The following PEX14 variants were observed in gnomAD, a reference collection of about 807,000 sequenced individuals.
The protein encoded by PEX14 is peroxisomal biogenesis factor 14.
Under a neutral mutation model 49.5 loss-of-function variants are expected in PEX14, and 15 were observed. The ratio of observed to expected loss-of-function variants is 0.30; its 90% CI spans 0.20 to 0.47. The LOEUF is 0.47. Ranked by LOEUF, PEX14 falls within the 20% of genes least tolerant of loss-of-function variation. The pLI, the probability that PEX14 is intolerant of heterozygous loss-of-function variation, is 1.00. For synonymous variants in PEX14, 210 were observed against 212.7 expected, an observed-to-expected ratio of 0.99 and a Z score of 0.11; for missense variants, 398 against 494.8, an observed-to-expected ratio of 0.80 and a Z score of 1.86.
chr1:10,496,960 TTA>T (rs550820822), intron 2 of PEX14, among the ~76,000 whole-genome samples: 4 of 150,770 alleles, frequency 2.7e-5, no homozygotes, highest in African/African-American at 4.9e-5. Flanking sequence ...TAGCGGCAAT[TTA>T]TATATATATA....
chr1:10,553,078 G>A (rs534223259), intron 3 of PEX14, among the ~76,000 whole-genome samples: 21 of 152,290 alleles, frequency 1.4e-4, no homozygotes, highest in African/African-American at 4.8e-4. Flanking sequence ...GTTGTATGTG[G>A]AATAATAAGT....
intron 1 of PEX14, among the ~76,000 whole-genome samples, chr1:10,487,714 A>G (rs1043259481): frequency 5.9e-5 from 9 of 151,674 alleles, no homozygotes; most frequent in Non-Finnish European, 1.0e-4. Context: ...CCGTCTCTTG[A>G]CCTTGTGATC....
chr1:10,502,977 AT>A (rs772952353), intron 2 of PEX14, among the ~76,000 whole-genome samples: 4 of 151,490 alleles, frequency 2.6e-5, no homozygotes, highest in Non-Finnish European at 5.9e-5. Flanking sequence ...TTTTAAAAAA[AT>A]TGTGTAGAGA....
chr1:10,564,631 C>A (rs974713215), intron 3 of PEX14, among the ~76,000 whole-genome samples: 5 of 144,038 alleles, frequency 3.5e-5, no homozygotes, highest in African/African-American at 1.3e-4. Context: ...CAGGGCCTTG[C>A]CATGTTGCCA....
intron 2 of PEX14, among the ~76,000 whole-genome samples, chr1:10,521,356 C>G (rs186213360): frequency 6.6e-6 from 1 of 152,040 alleles, no homozygotes; most frequent in South Asian, 2.1e-4. Context: ...TGGGGGTGCC[C>G]GTGGAGGCAG....
At chr1:10,563,599 TG>T (rs1639715483) in intron 3 of PEX14, among the ~76,000 whole-genome samples, 1 of 150,834 alleles carries the variant, frequency 6.6e-6, no homozygotes, top group African/African-American at 2.4e-5. Flanking sequence ...CACTCCAGCC[TG>T]GGCAACAAGA....
At chr1:10,490,362 C>T (rs1453533902) in intron 1 of PEX14, among the ~76,000 whole-genome samples, 1 of 152,118 alleles carries the variant, frequency 6.6e-6, no homozygotes, top group Non-Finnish European at 1.5e-5. Context: ...GATGGGTTCT[C>T]CTAGACCTGG....
intron 3 of PEX14, 41 bp downstream of exon 3, chr1:10,536,338 G>T: frequency 8.3e-7 from 1 of 1,208,906 alleles, no homozygotes; most frequent in South Asian, 1.2e-5. Flanking sequence ...CCTACAGGGG[G>T]ACTGGGGCTG....
intron 2 of PEX14, among the ~76,000 whole-genome samples, chr1:10,498,667 C>T (rs1308869458): frequency 1.3e-5 from 2 of 152,200 alleles, no homozygotes; most frequent in Non-Finnish European, 2.9e-5. Flanking sequence ...TTGACCGTCT[C>T]AGAGGAGTAT....
chr1:10,486,293 A>G (rs887505354), intron 1 of PEX14, among the ~76,000 whole-genome samples: 2 of 150,972 alleles, frequency 1.3e-5, no homozygotes, highest in Admixed American at 6.6e-5. Flanking sequence ...AGTGTTAGCT[A>G]TAGGTATTTT....
intron 2 of PEX14, among the ~76,000 whole-genome samples, chr1:10,530,149 A>G (rs1638604659): frequency 6.6e-6 from 1 of 152,226 alleles, no homozygotes; most frequent in Non-Finnish European, 1.5e-5. Flanking sequence ...TAAATGGGCT[A>G]AAATTGCCTC....
chr1:10,489,859 T>C (rs1233904349), intron 1 of PEX14, among the ~76,000 whole-genome samples: 1 of 152,220 alleles, frequency 6.6e-6, no homozygotes, highest in Non-Finnish European at 1.5e-5. Context: ...CCAAGTAATT[T>C]GTTTCTCTGC....
chr1:10,583,464 C>T (rs531684586), intron 3 of PEX14, among the ~76,000 whole-genome samples: 76 of 150,500 alleles, frequency 5.0e-4, no homozygotes, highest in African/African-American at 1.7e-3. Context: ...TCAAGTGATC[C>T]TCCTGCCTCA....
intron 3 of PEX14, among the ~76,000 whole-genome samples, chr1:10,541,180 G>C (rs913225573): frequency 2.0e-5 from 3 of 152,190 alleles, no homozygotes; most frequent in African/African-American, 7.2e-5. Flanking sequence ...GCAAAATGTA[G>C]GGTGACAACC....
chr1:10,520,962 T>C (rs905222535), intron 2 of PEX14, among the ~76,000 whole-genome samples: 3 of 147,082 alleles, frequency 2.0e-5, no homozygotes, highest in Admixed American at 1.4e-4. Flanking sequence ...TTCTATCCTC[T>C]GCTCTTTGCC....
intron 1 of PEX14, among the ~76,000 whole-genome samples, chr1:10,491,674 CTTTT>C (rs5772417): frequency 3.6e-5 from 2 of 55,120 alleles, no homozygotes; most frequent in Non-Finnish European, 3.3e-5. Flanking sequence ...GGCCATGCTC[CTTTT>C]TTTTTTTTTT....
At chr1:10,561,007 G>A (rs1487047660) in intron 3 of PEX14, among the ~76,000 whole-genome samples, 13 of 152,042 alleles carry the variant, frequency 8.6e-5, no homozygotes, top group Admixed American at 8.5e-4. Flanking sequence ...GTAAGCCACT[G>A]TGCCTGGCCC....
In PEX14 at chr1:10,630,487, C is replaced by T. The variant is rs1232370416; in HGVS notation, c.*500C>T. The T allele has an allele frequency of 6.2e-6, 1 of 160,572 alleles. No homozygotes were observed. Among genetic ancestry groups the T allele is most frequent in the Non-Finnish European group, 1.4e-5 (1 of 73,368 alleles). 9.9% of individuals were successfully genotyped at this position (160,572 alleles called of 1,614,324 possible). On this transcript the variant is annotated 3_prime_UTR_variant, in exon 9 of 9. Coordinates refer to ENST00000356607, the MANE Select transcript of PEX14 (RefSeq NM_004565.3). This position sits in a 1 kb window ranked among gnomAD's most constrained non-coding sequence, Gnocchi z 4.1. ...CCCGTCAGGTGCCTGTCCCCAGCCC[C>T]AACCCCACTCATGCCCCGTCGTCCT...
intron 3 of PEX14, among the ~76,000 whole-genome samples, chr1:10,565,615 T>C (rs1467974948): frequency 2.0e-5 from 3 of 152,228 alleles, no homozygotes; most frequent in Non-Finnish European, 2.9e-5. Context: ...ACAAATTGAC[T>C]ATTCATGTAT....
Sources: gnomAD v4.1 joint callset for allele counts (sites outside exome capture counted in the v4.1 genomes callset) on GRCh38, gnomAD v4.1.1 for gene constraint, Gnocchi (gnomAD v3.1) non-coding constraint, MANE v1.5 for transcripts, NCBI Gene and HGNC (gene_info 2026-07-23, HGNC 2026-07-21) for gene names.